Variants in TOGARAM2 observed in about 807,000 individuals in gnomAD.
TOGARAM2 encodes the protein TOG array regulator of axonemal microtubules protein 2.
In TOGARAM2, 85 loss-of-function variants were observed where a neutral mutation model predicts 93.3. The observed-to-expected ratio is 0.91, with a 90% CI of 0.76 to 1.09. TOGARAM2 has a LOEUF of 1.09. Among genes scored for constraint, TOGARAM2 ranks in the 50% least tolerant of loss-of-function variants. The pLI is 0.00. For missense variants in TOGARAM2, 1,277 were observed against 1,334.5 expected (o/e 0.96, Z 0.67); for synonymous variants, 593 against 552.8 (o/e 1.07, Z -1.02).
intron 1 of TOGARAM2, among the ~76,000 whole-genome samples, chr2:28,993,059 CAAAA>C (rs59495138): frequency 0.23 from 31,180 of 133,978 alleles, 3,994 homozygotes; most frequent in South Asian, 0.34. Flanking sequence ...GATTCTGTCT[CAAAA>C]AAAAAAAAAA....
intron 17 of TOGARAM2, 109 bp downstream of exon 17, chr2:29,035,765 C>T: frequency 9.0e-7 from 1 of 1,116,388 alleles, no homozygotes; most frequent in African/African-American, 1.6e-5. Flanking sequence ...CCTTGCTATG[C>T]AGTTGGCCTT....
chr2:28,964,323 T>G (rs544698550), intron 1 of TOGARAM2, among the ~76,000 whole-genome samples: 61 of 152,334 alleles, frequency 4.0e-4, no homozygotes, highest in Non-Finnish European at 7.5e-4. Flanking sequence ...GAACGCTTCT[T>G]GTTCTAATGT....
At position 28,976,197 on chromosome 2, in the gene TOGARAM2, C is replaced by T. The variant is rs529144250; in HGVS notation, c.-146-18528C>T. On this transcript the variant is annotated intron_variant, in intron 1 of 6. Transcript: ENST00000401723. The stretch of plus-strand genomic sequence containing the variant: ...CATCCTGGCTAACATGGTGAAACCC[C>T]GTCTCTACTAAAAATACAAAATAAT... Among the ~76,000 whole-genome samples, 9 of 152,206 alleles carry T rather than the reference C, an allele frequency of 5.9e-5. No individual in the cohort carries two copies. In the East Asian group the frequency reaches 7.7e-4, roughly 13 times the overall value.
At chr2:28,972,222 G>A (rs1671959267) in intron 1 of TOGARAM2, among the ~76,000 whole-genome samples, 1 of 152,116 alleles carries the variant, frequency 6.6e-6, no homozygotes, top group South Asian at 2.1e-4. Flanking sequence ...CTGAGTAACT[G>A]GGATTATAGG....
At chr2:28,960,487 A>G (rs1027984129) in intron 1 of TOGARAM2, among the ~76,000 whole-genome samples, 1 of 152,058 alleles carries the variant, frequency 6.6e-6, no homozygotes, top group East Asian at 1.9e-4. Context: ...TCCAATCCAC[A>G]CTCACTCACT....
intron 10 of TOGARAM2, among the ~76,000 whole-genome samples, chr2:29,020,663 C>T (rs917610281): frequency 5.9e-5 from 9 of 152,054 alleles, no homozygotes; most frequent in African/African-American, 1.7e-4. Flanking sequence ...GCGGTGAAGG[C>T]GAGGAAGGGG....
chr2:29,025,359 T>A (rs1188749186), intron 13 of TOGARAM2, among the ~76,000 whole-genome samples: 1 of 152,146 alleles, frequency 6.6e-6, no homozygotes, highest in Non-Finnish European at 1.5e-5. Flanking sequence ...GAGTGCTTAC[T>A]GTGTCTATAA....
chr2:29,033,101 C>A (rs1034322166), intron 15 of TOGARAM2, 50 bp downstream of exon 15: 24 of 1,490,854 alleles, frequency 1.6e-5, no homozygotes, highest in African/African-American at 2.8e-5. Flanking sequence ...GTGGGGGTGA[C>A]AGTGCTGAGC....
chr2:29,002,660 C>A lies in TOGARAM2; in HGVS notation c.552C>A (p.Thr184=), dbSNP rs771904134. 9.3e-6 allele frequency: 15 copies of A among 1,613,902 alleles called. No individual in the cohort carries two copies. Among genetic ancestry groups the A allele is most frequent in the Non-Finnish European group, 1.3e-5 (15 of 1,179,890 alleles). The change falls in exon 5 of 20, where the codon ACC becomes ACA. Residue 184 remains threonine, a synonymous_variant. Coordinates refer to ENST00000379558, the MANE Select transcript of TOGARAM2 (RefSeq NM_199280.4). The part of the protein sequence containing the change: ...PMPLIQSIPT[T]PEASGVKEKG... Reference sequence around the variant, plus strand: ...CTCTCATCCAGAGCATCCCTACCACCCCTGAGGCCAGCGGAGTCAAAGAGA... The same window carrying A: ...CTCTCATCCAGAGCATCCCTACCACACCTGAGGCCAGCGGAGTCAAAGAGA...
intron 1 of TOGARAM2, among the ~76,000 whole-genome samples, chr2:28,958,876 C>T (rs1359885805): frequency 6.6e-6 from 1 of 152,212 alleles, no homozygotes. Context: ...TGGCCGCCTC[C>T]TGTCTAAACT....
chr2:28,993,582 TTAA>T (rs1293289871), intron 1 of TOGARAM2, among the ~76,000 whole-genome samples: 2 of 152,226 alleles, frequency 1.3e-5, no homozygotes, highest in Non-Finnish European at 2.9e-5. Context: ...CCAGTAGATA[TTAA>T]ACAGAGAGTT....
In TOGARAM2 at chr2:29,036,664, A is replaced by G. The variant is rs183105380; in HGVS notation, c.2542A>G (p.Ile848Val). The G allele has an allele frequency of 1.5e-5, 25 of 1,613,976 alleles. No homozygotes were observed. In the African/African-American group the frequency reaches 2.3e-4, roughly 15 times the overall value. The change falls in exon 18 of 20, where the codon ATC (isoleucine) becomes GTC (valine). Residue 848 changes from isoleucine to valine, a missense_variant. By Grantham distance (29) the Ile-to-Val change is conservative (BLOSUM62 3). Coordinates refer to ENST00000379558, the MANE Select transcript of TOGARAM2 (RefSeq NM_199280.4). The stretch of plus-strand genomic sequence containing the variant: ...GAGCTTACACCCCATGCTGCTCTCC[A>G]TCATCATCACTGTTGCAGACAACCT... ...RESLHPMLLS[I>V]IITVADNLNS...
intron 14 of TOGARAM2, among the ~76,000 whole-genome samples, chr2:29,029,127 T>C (rs1329024689): frequency 6.6e-6 from 1 of 152,196 alleles, no homozygotes; most frequent in South Asian, 2.1e-4. Flanking sequence ...GGTATCATCA[T>C]ATGAAAAAGA....
At chr2:28,969,475 G>T (rs936832041) in intron 1 of TOGARAM2, among the ~76,000 whole-genome samples, 1 of 152,228 alleles carries the variant, frequency 6.6e-6, no homozygotes, top group African/African-American at 2.4e-5. Context: ...GATTCCAGAA[G>T]ACAGGAGGCC....
intron 1 of TOGARAM2, among the ~76,000 whole-genome samples, chr2:28,973,594 C>T (rs1269168772): frequency 6.6e-6 from 1 of 151,610 alleles, no homozygotes; most frequent in Non-Finnish European, 1.5e-5. Context: ...GTGATCATGG[C>T]TCATTGTAGC....
At chr2:28,978,185 G>A (rs1004173089), upstream of TOGARAM2, among the ~76,000 whole-genome samples, 1 of 152,196 alleles carries the variant, frequency 6.6e-6, no homozygotes, top group African/African-American at 2.4e-5. Context: ...GGGATGACAG[G>A]CGTGAGCCAC....
At chr2:28,988,782 CA>C (rs1252707644) in intron 1 of TOGARAM2, among the ~76,000 whole-genome samples, 4 of 152,168 alleles carry the variant, frequency 2.6e-5, no homozygotes, top group African/African-American at 9.7e-5. Context: ...CAGACCTCAG[CA>C]ATTTTCTGTG....
rs1572706893 is a variant in TOGARAM2 at position 29,014,252 on chromosome 2, C to T, written c.878-143C>T. ...TCATGCCTGCCAGTGCTGCCCTGTACAGTAAACCTAACTCAGGTCTTGCTC... is the reference window on the plus strand; with the variant it reads ...TCATGCCTGCCAGTGCTGCCCTGTATAGTAAACCTAACTCAGGTCTTGCTC... On this transcript the variant is annotated intron_variant, in intron 7 of 19. Coordinates refer to ENST00000379558, the MANE Select transcript of TOGARAM2 (RefSeq NM_199280.4). The T allele has an allele frequency of 1.0e-5, 10 of 964,020 alleles. No homozygotes were observed. The East Asian group carries it at 2.6e-4, about 25-fold the overall frequency. The allele number at this position is 964,020 out of a possible 1,614,324, so 59.7% of individuals were successfully genotyped here.
At chr2:29,032,284 C>T (rs1444468421) in intron 14 of TOGARAM2, among the ~76,000 whole-genome samples, 1 of 152,172 alleles carries the variant, frequency 6.6e-6, no homozygotes, top group African/African-American at 2.4e-5. Flanking sequence ...AATATATCCC[C>T]CTGCTGACAT....
Sources: allele counts gnomAD v4.1 joint callset (sites outside exome capture counted in the v4.1 genomes callset), GRCh38; gene constraint gnomAD v4.1.1; transcripts MANE v1.5; gene names NCBI Gene and HGNC (gene_info 2026-07-23, HGNC 2026-07-21).